Variants in XPO6 observed in about 807,000 individuals in gnomAD.
The protein encoded by XPO6 is exportin-6.
XPO6 carries 3 observed loss-of-function variants against 130.0 expected under a neutral mutation model. The ratio of observed to expected loss-of-function variants is 0.02; its 90% CI spans 0.01 to 0.06. The LOEUF (loss-of-function observed/expected upper bound fraction) is 0.06, where lower values mean the gene tolerates loss of function less well. XPO6 is among the 10% of genes least tolerant of loss of function. XPO6 has a pLI of 1.00. For missense variants in XPO6, 970 were observed against 1,393.0 expected (o/e 0.70, Z 4.83); for synonymous variants, 524 against 548.9 (o/e 0.95, Z 0.63).
At chr16:28,182,595 CCT>C (rs2043636931) in intron 1 of XPO6, among the ~76,000 whole-genome samples, 1 of 152,212 alleles carries the variant, frequency 6.6e-6, no homozygotes, top group African/African-American at 2.4e-5. Flanking sequence ...GCCCCCTACT[CCT>C]CTTTCAGACT....
chr16:28,135,442 C>T lies in XPO6; in HGVS notation c.1335-118G>A, dbSNP rs905990371. ...GTTGATCACCATGGAAAAAGAGCAT[C>T]GAAATTCCTGAGGCTGAGTTTATGG... On this transcript the variant is annotated intron_variant, in intron 9 of 23. Transcript: ENST00000304658. The T allele has an allele frequency of 9.0e-5, 70 of 776,822 alleles. No individual in the cohort carries two copies. In the East Asian group the frequency reaches 1.6e-3, roughly 18 times the overall value. The allele number at this position is 776,822 out of a possible 1,614,324, so 48.1% of individuals were successfully genotyped here.
At chr16:28,164,925 A>G (rs1040954554) in intron 6 of XPO6, among the ~76,000 whole-genome samples, 1 of 152,180 alleles carries the variant, frequency 6.6e-6, no homozygotes, top group African/African-American at 2.4e-5. Flanking sequence ...AACTCAAAAG[A>G]ACTAATCTTG....
rs549763156 is a variant in XPO6, at chr16:28,135,722, T to C, written c.1335-398A>G. On this transcript the variant is annotated intron_variant, in intron 9 of 23. Transcript: ENST00000304658. Reference sequence around the variant, plus strand: ...TGTATCTGAATCCAAAGTGAGTCTCTTGTAGACAACACGTCATTGGGTCGT... The same window carrying C: ...TGTATCTGAATCCAAAGTGAGTCTCCTGTAGACAACACGTCATTGGGTCGT... Among the ~76,000 whole-genome samples, 6 of 152,344 alleles carry C rather than the reference T, an allele frequency of 3.9e-5. No individual in the cohort carries two copies. The South Asian group carries it at 1.2e-3, about 32-fold the overall frequency.
chr16:28,157,416 T>C (rs986271044), intron 6 of XPO6, among the ~76,000 whole-genome samples: 13 of 152,060 alleles, frequency 8.5e-5, no homozygotes, highest in African/African-American at 3.1e-4. Flanking sequence ...GATCACGCCA[T>C]TGCACTCCAG....
chr16:28,137,706 T>C (rs1158655305), intron 9 of XPO6, among the ~76,000 whole-genome samples: 2 of 152,162 alleles, frequency 1.3e-5, no homozygotes, highest in Non-Finnish European at 2.9e-5. Flanking sequence ...TATTTACTTA[T>C]TTTTTAACAT....
intron 1 of XPO6, among the ~76,000 whole-genome samples, chr16:28,197,787 C>T (rs111389530): frequency 2.6e-5 from 4 of 151,546 alleles, no homozygotes; most frequent in African/African-American, 9.7e-5. Flanking sequence ...GGCGTGGTGG[C>T]GGGCGCCTGC....
chr16:28,145,939 A>T (rs1290178960), intron 9 of XPO6, among the ~76,000 whole-genome samples, 155 bp downstream of exon 9: 1 of 152,252 alleles, frequency 6.6e-6, no homozygotes, highest in Non-Finnish European at 1.5e-5. Context: ...AAATACTTAA[A>T]GGAGAAAAAA....
chr16:28,141,379 CG>C (rs1161422069), intron 9 of XPO6, among the ~76,000 whole-genome samples: 2 of 152,130 alleles, frequency 1.3e-5, no homozygotes, highest in Non-Finnish European at 2.9e-5. Context: ...CACAAAGAGC[CG>C]GAAGTGAGAG....
At position 28,146,067 on chromosome 16, in the gene XPO6, C is replaced by T. The variant is rs776477607; in HGVS notation, c.1334+27G>A. ...AGAATAACTGGCAAAATGACCATATCTAGTTTTCAGTGTTTGAGGAGTTTA... is the reference window on the plus strand; with the variant it reads ...AGAATAACTGGCAAAATGACCATATTTAGTTTTCAGTGTTTGAGGAGTTTA... On this transcript the variant is annotated intron_variant, in intron 9 of 23. Transcript: ENST00000304658. 15 of 1,553,648 alleles carry T rather than the reference C, an allele frequency of 9.7e-6. No individual in the cohort carries two copies. In the Middle Eastern group the frequency reaches 5.9e-4, roughly 61 times the overall value.
intron 7 of XPO6, chr16:28,153,156 C>T (rs1016936842): frequency 2.0e-5 from 20 of 1,011,202 alleles, no homozygotes; most frequent in Non-Finnish European, 2.4e-5. Flanking sequence ...GTTTTCTTTC[C>T]GGGAGGCCAA....
intron 9 of XPO6, among the ~76,000 whole-genome samples, chr16:28,142,727 T>C (rs1206303666): frequency 6.6e-6 from 1 of 152,140 alleles, no homozygotes; most frequent in Non-Finnish European, 1.5e-5. Flanking sequence ...TGCACCACCA[T>C]GCCTGGATAA....
chr16:28,166,081 A>G (rs2043351591), intron 6 of XPO6, among the ~76,000 whole-genome samples: 1 of 152,180 alleles, frequency 6.6e-6, no homozygotes, highest in Non-Finnish European at 1.5e-5. Flanking sequence ...AGAGGTCTCC[A>G]CTATGCAGGC....
intron 11 of XPO6, 108 bp downstream of exon 11, chr16:28,133,733 C>A: frequency 1.0e-6 from 1 of 955,934 alleles, no homozygotes. Flanking sequence ...TTAAAAATTA[C>A]ATAGAGGGGA....
At chr16:28,108,746 C>T (rs2086844004) in intron 17 of XPO6, among the ~76,000 whole-genome samples, 1 of 152,214 alleles carries the variant, frequency 6.6e-6, no homozygotes, top group Admixed American at 6.5e-5. Context: ...CCCCAGTGCT[C>T]AGCAGCCTCT....
chr16:28,129,769 T>C (rs1310823502), intron 12 of XPO6, among the ~76,000 whole-genome samples: 3 of 152,092 alleles, frequency 2.0e-5, no homozygotes, highest in Admixed American at 2.0e-4. Context: ...ACATAAAATG[T>C]TGTAGGCAAA....
chr16:28,102,029 G>T, intron 21 of XPO6, 84 bp from the exon 22 acceptor site: 1 of 1,150,502 alleles, frequency 8.7e-7, no homozygotes, highest in Non-Finnish European at 1.3e-6. Flanking sequence ...ACAAGTGCCA[G>T]GGCCAGGGTA....
intron 9 of XPO6, among the ~76,000 whole-genome samples, chr16:28,143,021 T>C (rs1220554871): frequency 2.6e-5 from 4 of 152,230 alleles, no homozygotes; most frequent in Non-Finnish European, 5.9e-5. Flanking sequence ...TGTTGTTTTA[T>C]TTTTCAAAGG....
At chr16:28,161,994 A>C (rs751521939) in intron 6 of XPO6, among the ~76,000 whole-genome samples, 2 of 152,260 alleles carry the variant, frequency 1.3e-5, no homozygotes, top group African/African-American at 2.4e-5. Flanking sequence ...ATGGCCTAAA[A>C]TCATATGTAA....
At position 28,132,050 on chromosome 16, in the gene XPO6, A is replaced by C. The variant is rs3751810; in HGVS notation, c.1606+284T>G. Reference sequence around the variant, plus strand: ...ACCTGCTGGTTGAAAGGACATAAGGAAACTAATTAGAGGCTTTTTAGTAAG... The same window carrying C: ...ACCTGCTGGTTGAAAGGACATAAGGCAACTAATTAGAGGCTTTTTAGTAAG... On this transcript the variant is annotated intron_variant, in intron 12 of 23. Transcript: ENST00000304658. This position sits in a 1 kb window ranked among gnomAD's most constrained non-coding sequence, Gnocchi z 4.0. Among the ~76,000 whole-genome samples the C allele has an allele frequency of 6.6e-6, 1 of 152,330 alleles. No individual in the cohort carries two copies. The highest frequency in any genetic ancestry group is 1.9e-4 in the East Asian group (1 of 5,184).
Sources: allele counts gnomAD v4.1 joint callset (sites outside exome capture counted in the v4.1 genomes callset), GRCh38; gene constraint gnomAD v4.1.1; non-coding constraint Gnocchi (gnomAD v3.1); transcripts MANE v1.5; gene names NCBI Gene and HGNC (gene_info 2026-07-23, HGNC 2026-07-21).